PDC: variants seen among roughly 807,000 people sequenced by gnomAD.
PDC encodes phosducin.
PDC carries 19 observed loss-of-function variants against 22.2 expected under a neutral mutation model. The observed-to-expected ratio is 0.86, with a 90% CI of 0.60 to 1.26. The LOEUF (loss-of-function observed/expected upper bound fraction) is 1.26. Among genes scored for constraint, PDC ranks in the 50% most tolerant of loss-of-function variants. PDC has a pLI of 0.00. For missense variants in PDC, 274 were observed against 286.8 expected (o/e 0.96, Z 0.32); for synonymous variants, 97 against 96.2 (o/e 1.01, Z -0.05).
intron 1 of PDC, among the ~76,000 whole-genome samples, chr1:186,454,480 C>G (rs1662418389): frequency 6.6e-6 from 1 of 151,688 alleles, no homozygotes; most frequent in Non-Finnish European, 1.5e-5. Flanking sequence ...TGGCCTATTT[C>G]ATGTTAATGG....
intron 2 of PDC, 35 bp from the exon 3 acceptor site, chr1:186,446,612 T>A: frequency 1.5e-6 from 2 of 1,360,972 alleles, no homozygotes; most frequent in Non-Finnish European, 2.0e-6. Flanking sequence ...GTTTTCCTTT[T>A]TATTTTCAAA....
chr1:186,457,151 G>A (rs1662488364), intron 1 of PDC, among the ~76,000 whole-genome samples: 1 of 152,146 alleles, frequency 6.6e-6, no homozygotes, highest in South Asian at 2.1e-4. Flanking sequence ...AAGCTAATAT[G>A]CTCACCAATA....
At chr1:186,457,276 G>A (rs952349138) in intron 1 of PDC, among the ~76,000 whole-genome samples, 1 of 152,100 alleles carries the variant, frequency 6.6e-6, no homozygotes, top group African/African-American at 2.4e-5. Context: ...TAAATTATCA[G>A]TGGTGAGAAT....
rs561122354 is a variant in PDC, at chr1:186,450,494, G to A, written c.-24-1011C>T. On this transcript the variant is annotated intron_variant, in intron 1 of 3. Coordinates refer to ENST00000391997, the MANE Select transcript of PDC (RefSeq NM_002597.5). ...GCGGGGACTACAGGTGTGTGTTTGC[G>A]CCACCACGCCCTGCTAATGTTTTTT... Among the ~76,000 whole-genome samples the A allele has an allele frequency of 3.3e-5, 5 of 151,906 alleles. No homozygotes were observed. In the East Asian group the frequency reaches 7.8e-4, roughly 24 times the overall value.
intron 3 of PDC, among the ~76,000 whole-genome samples, chr1:186,446,046 T>C (rs928700911): frequency 3.3e-5 from 5 of 152,328 alleles, no homozygotes; most frequent in African/African-American, 1.2e-4. Context: ...AAATTTTTAA[T>C]AGTGATTATG....
At chr1:186,456,290 G>A (rs949700532) in intron 1 of PDC, among the ~76,000 whole-genome samples, 36 of 151,822 alleles carry the variant, frequency 2.4e-4, no homozygotes, top group Admixed American at 2.3e-3. Flanking sequence ...TCCACACAGA[G>A]AAAAAATATT....
chr1:186,448,818 A>T (rs1662289730), intron 2 of PDC: 1 of 183,572 alleles, frequency 5.4e-6, no homozygotes, highest in South Asian at 1.8e-4. Context: ...TTCAAATAAG[A>T]TTTAGTAGAG....
At chr1:186,445,724 G>T (rs1662213206) in intron 3 of PDC, among the ~76,000 whole-genome samples, 1 of 152,112 alleles carries the variant, frequency 6.6e-6, no homozygotes, top group African/African-American at 2.4e-5. Flanking sequence ...AACCCAGGAG[G>T]TAGGGGTTGC....
rs1054382427 is a variant in PDC at position 186,444,050 on chromosome 1, A to G, written c.670T>C (p.Tyr224His). 1 of 1,612,588 alleles carries G rather than the reference A, an allele frequency of 6.2e-7. No individual in the cohort carries two copies. Among genetic ancestry groups the G allele is most frequent in the Non-Finnish European group, 8.5e-7 (1 of 1,178,728 alleles). The change falls in exon 4 of 4, where the codon TAT becomes CAT. Residue 224 changes from tyrosine to histidine, a missense_variant. Coordinates refer to ENST00000391997, the MANE Select transcript of PDC (RefSeq NM_002597.5). ...ACCTCTCTTTCAGGTAGTAACCCAT[A>G]TTCATTTAGGAAAGACTCCACATCC... ...AGDVESFLNE[Y>H]GLLPEREVHV...
Position 186,446,556 on chromosome 1 carries a change from T to C in PDC, c.83A>G (p.Asp28Gly). ...THTGPKGVIN[D>G]WRKFKLESQD... ...ACTCTCTAATTTAAACTTTCTCCAA[T>C]CATTTATTACTCCTTTGGGTCCTGG... The change falls in exon 3 of 4, where the codon GAT becomes GGT. Residue 28 changes from aspartate to glycine, a missense_variant. By Grantham distance (94) the Asp-to-Gly change is moderately conservative (BLOSUM62 -1). Coordinates refer to ENST00000391997, the MANE Select transcript of PDC (RefSeq NM_002597.5). 1 of 1,583,710 alleles carries C rather than the reference T, an allele frequency of 6.3e-7. No homozygotes were observed. Among genetic ancestry groups the C allele is most frequent in the Non-Finnish European group, 8.6e-7 (1 of 1,156,124 alleles).
intron 1 of PDC, among the ~76,000 whole-genome samples, chr1:186,459,899 TAAC>T: frequency 6.8e-6 from 1 of 146,092 alleles, no homozygotes; most frequent in Non-Finnish European, 1.5e-5. Flanking sequence ...GTAATAATAA[TAAC>T]CTCCATGGAA....
At chr1:186,459,050 T>G (rs1662525733) in intron 1 of PDC, among the ~76,000 whole-genome samples, 1 of 152,122 alleles carries the variant, frequency 6.6e-6, no homozygotes, top group South Asian at 2.1e-4. Context: ...TAGTCCCAGA[T>G]ACTCCGGAGG....
intron 1 of PDC, among the ~76,000 whole-genome samples, chr1:186,456,070 T>C (rs1662464589): frequency 6.9e-6 from 1 of 144,522 alleles, no homozygotes; most frequent in Admixed American, 6.9e-5. Context: ...CAAATGCCAG[T>C]TACTTATTTG....
rs566188001 is a variant in PDC, at chr1:186,458,876, G to A, written c.-25+2183C>T. Among the ~76,000 whole-genome samples, 72 of 152,304 alleles carry A rather than the reference G, an allele frequency of 4.7e-4. No homozygotes were observed. The Middle Eastern group carries it at 0.01, about 22-fold the overall frequency. ...CTTCATGGTCCCAGCTGAAAGCCTG[G>A]AGAGGCTGCGCGCGGTGGCTCACGC... is the stretch of plus-strand genomic sequence containing the variant. On this transcript the variant is annotated intron_variant, in intron 1 of 3. Coordinates refer to ENST00000391997, the MANE Select transcript of PDC (RefSeq NM_002597.5).
chr1:186,454,134 A>C (rs892110824), intron 1 of PDC, among the ~76,000 whole-genome samples: 9 of 151,582 alleles, frequency 5.9e-5, no homozygotes, highest in Non-Finnish European at 1.2e-4. Context: ...TACTGAATGT[A>C]ATAGAAGAGT....
chr1:186,450,017 G>A (rs1018450056), intron 1 of PDC, among the ~76,000 whole-genome samples: 9 of 152,130 alleles, frequency 5.9e-5, no homozygotes, highest in Non-Finnish European at 1.5e-5. Flanking sequence ...TGTTGTAACC[G>A]AGGAAGCTGA....
intron 3 of PDC, among the ~76,000 whole-genome samples, chr1:186,444,740 G>C (rs970620869): frequency 2.6e-5 from 4 of 151,922 alleles, no homozygotes; most frequent in African/African-American, 9.7e-5. Context: ...CCATCTTTAT[G>C]CTGGTTTATT....
chr1:186,452,312 C>T (rs1297146214), intron 1 of PDC, among the ~76,000 whole-genome samples: 1 of 152,192 alleles, frequency 6.6e-6, no homozygotes, highest in Non-Finnish European at 1.5e-5. Flanking sequence ...AATCTCCCCT[C>T]ACTGCAACCT....
intron 3 of PDC, among the ~76,000 whole-genome samples, chr1:186,446,027 C>T (rs1439731369): frequency 1.3e-5 from 2 of 152,100 alleles, no homozygotes; most frequent in Non-Finnish European, 2.9e-5. Context: ...AAAGTTTAAC[C>T]TTAGCATAAA....
Sources: gnomAD v4.1 joint callset for allele counts (sites outside exome capture counted in the v4.1 genomes callset) on GRCh38, gnomAD v4.1.1 for gene constraint, MANE v1.5 for transcripts, NCBI Gene and HGNC (gene_info 2026-07-23, HGNC 2026-07-21) for gene names.